Variants in UFL1 observed in about 807,000 individuals in gnomAD.
The protein encoded by UFL1 is UFM1 specific ligase 1, also known as E3 UFM1-protein ligase 1.
UFL1 carries 78 observed loss-of-function variants against 99.3 expected under a neutral mutation model. The ratio of observed to expected loss-of-function variants is 0.79; its 90% CI spans 0.65 to 0.95. UFL1 has a LOEUF of 0.95. Ranked by LOEUF, UFL1 falls within the 40% of genes least tolerant of loss-of-function variation. UFL1 has a pLI of 0.00. For missense variants in UFL1, 936 were observed against 937.0 expected, an observed-to-expected ratio of 1.00 and a Z score of 0.01; for synonymous variants, 335 against 322.2, an observed-to-expected ratio of 1.04 and a Z score of -0.42.
rs1770130548 is a variant in UFL1 at position 96,554,687 on chromosome 6, TC to T, written c.*1185del. The stretch of plus-strand genomic sequence containing the variant: ...TTTAAAATATTTGAATACGAAAAGA[TC>T]AGTCTACCTCTACTCCATTCTAGAC... On this transcript the variant is annotated 3_prime_UTR_variant, in exon 19 of 19. Coordinates refer to ENST00000369278, the MANE Select transcript of UFL1 (RefSeq NM_015323.5). 2 of 152,556 alleles carry T rather than the reference TC, an allele frequency of 1.3e-5. No individual in the cohort carries two copies. The highest frequency in any genetic ancestry group is 2.4e-5 in the African/African-American group (1 of 41,452). 9.5% of individuals were successfully genotyped at this position (152,556 alleles called of 1,614,324 possible). A position where few individuals can be genotyped will look rare whatever the true frequency, so the allele number is the denominator to read the frequency against.
At chr6:96,543,083 T>C in intron 12 of UFL1, 67 bp downstream of exon 12, 2 of 1,514,778 alleles carry the variant, frequency 1.3e-6, no homozygotes, top group East Asian at 2.5e-5. Context: ...TCTTAAGATG[T>C]ATATAATTAG....
At chr6:96,526,092 A>G (rs962976007) in intron 4 of UFL1, among the ~76,000 whole-genome samples, 5 of 152,018 alleles carry the variant, frequency 3.3e-5, no homozygotes, top group Admixed American at 6.6e-5. Context: ...ATGCAAAAAA[A>G]AAAAAGAAAA....
Position 96,551,878 on chromosome 6 carries a change from A to G in UFL1, c.1940A>G (p.Glu647Gly), listed in dbSNP as rs1469609104. The G allele has an allele frequency of 1.9e-6, 3 of 1,609,810 alleles. No individual in the cohort carries two copies. Among genetic ancestry groups the G allele is most frequent in the Non-Finnish European group, 2.5e-6 (3 of 1,177,508 alleles). The change falls in exon 17 of 19, where the codon GAA (glutamate) becomes GGA (glycine). Residue 647 changes from glutamate to glycine, a missense_variant. Transcript: ENST00000369278. ...ATTTCTTGTCTGGATTCTGCAGCAG[A>G]AGCTTGTGATATTATGGTGAAAAGG... Reference protein sequence around the residue: ...DFISCLDSAAEACDIMVKRGD... With the variant: ...DFISCLDSAAGACDIMVKRGD...
intron 15 of UFL1, 86 bp downstream of exon 15, chr6:96,549,885 GAAAAT>G (rs997619208): frequency 7.9e-5 from 118 of 1,501,914 alleles, no homozygotes; most frequent in Non-Finnish European, 9.5e-5. Context: ...GAGTAAAGAG[GAAAAT>G]AAAATACAGT....
chr6:96,538,794 A>G lies in UFL1; in HGVS notation c.1142A>G (p.His381Arg). 6.2e-7 allele frequency: 1 copy of G among 1,603,622 alleles called. No homozygotes were observed. Among genetic ancestry groups the G allele is most frequent in the Non-Finnish European group, 8.5e-7 (1 of 1,173,918 alleles). ...ACAGAACTGTTCCGTGAGCTGATGC[A>G]CCAGAAAGCTGAAAAGGTATTCCAG... Reference protein sequence around the residue: ...DCTELFRELMHQKAEKEMKNN... With the variant: ...DCTELFRELMRQKAEKEMKNN... The change falls in exon 10 of 19, where the codon CAC becomes CGC. Residue 381 changes from histidine (H) to arginine (R), a missense_variant. By Grantham distance (29) the His-to-Arg change is conservative. Coordinates refer to ENST00000369278, the MANE Select transcript of UFL1 (RefSeq NM_015323.5).
At chr6:96,534,353 T>C in intron 7 of UFL1, 32 bp downstream of exon 7, 1 of 1,458,316 alleles carries the variant, frequency 6.9e-7, no homozygotes, top group Non-Finnish European at 9.3e-7. Flanking sequence ...TTTACTTAAT[T>C]AGCTGCTGAA....
Position 96,523,807 on chromosome 6 carries a change from G to A in UFL1, c.223+516G>A, listed in dbSNP as rs118096953. 9.6e-4 allele frequency among the ~76,000 whole-genome samples: 146 copies of A among 152,204 alleles called. 1 individual carries two copies. In the East Asian group the frequency reaches 0.023, roughly 24 times the overall value. ...GGTTTCCTTTGTCTTCTTAAAATTT[G>A]AACAGACTACCAAGCATATTTGAAT... is the stretch of plus-strand genomic sequence containing the variant. On this transcript the variant is annotated intron_variant, in intron 2 of 18. Coordinates refer to ENST00000369278, the MANE Select transcript of UFL1 (RefSeq NM_015323.5).
At chr6:96,523,357 A>G in intron 2 of UFL1, 66 bp downstream of exon 2, 5 of 1,434,932 alleles carry the variant, frequency 3.5e-6, no homozygotes. Flanking sequence ...AACAAACAAA[A>G]CCCGTAAACA....
intron 1 of UFL1, 39 bp downstream of exon 1, chr6:96,521,989 G>T (rs1185008994): frequency 3.2e-6 from 5 of 1,586,920 alleles, no homozygotes; most frequent in East Asian, 2.3e-5. Flanking sequence ...GCCCAAATTA[G>T]GCCGTGGGCG....
chr6:96,543,128 AGT>A, intron 12 of UFL1, 112 bp downstream of exon 12: 9 of 1,283,554 alleles, frequency 7.0e-6, no homozygotes, highest in Non-Finnish European at 9.4e-6. Flanking sequence ...CTTATTTTGC[AGT>A]GTTTCAGTGA....
At position 96,551,476 on chromosome 6, in the gene UFL1, T is replaced by G; in HGVS notation, c.1862T>G (p.Val621Gly). ...AGTAAATTATCAGAAGAAACCAAAG[T>G]AGCTCTTACAAAACTCCATAACTCT... The part of the protein sequence containing the change: ...ILSKLSEETK[V>G]ALTKLHNSLN... The change falls in exon 16 of 19, where the codon GTA becomes GGA. Residue 621 changes from valine (V) to glycine (G), a missense_variant. By Grantham distance (109) the Val-to-Gly change is moderately radical. Coordinates refer to ENST00000369278, the MANE Select transcript of UFL1 (RefSeq NM_015323.5). 1.3e-6 allele frequency: 2 copies of G among 1,538,004 alleles called. No individual in the cohort carries two copies. Among genetic ancestry groups the G allele is most frequent in the Non-Finnish European group, 1.8e-6 (2 of 1,140,600 alleles).
chr6:96,545,044 T>C (rs1047176496), intron 12 of UFL1, among the ~76,000 whole-genome samples: 1 of 151,148 alleles, frequency 6.6e-6, no homozygotes, highest in East Asian at 1.9e-4. Flanking sequence ...TTAATAACTT[T>C]GAAAATGCAT....
chr6:96,533,019 A>C (rs960122321), intron 6 of UFL1, among the ~76,000 whole-genome samples: 5 of 152,198 alleles, frequency 3.3e-5, no homozygotes, highest in Non-Finnish European at 4.4e-5. Context: ...GAAGTAGAAA[A>C]TATTTACAAT....
intron 4 of UFL1, among the ~76,000 whole-genome samples, chr6:96,525,826 A>G (rs572897728): frequency 7.4e-4 from 112 of 152,256 alleles, no homozygotes; most frequent in African/African-American, 2.5e-3. Context: ...AATTTGTTCC[A>G]AAAATGTTAA....
intron 5 of UFL1, 77 bp downstream of exon 5, chr6:96,526,512 A>AGG (rs1769705294): frequency 8.9e-7 from 1 of 1,119,808 alleles, no homozygotes; most frequent in Non-Finnish European, 1.3e-6. Context: ...GAAGGGGGAA[A>AGG]AAAAAATGAG....
chr6:96,534,370 A>C, intron 7 of UFL1, 49 bp downstream of exon 7: 1 of 1,303,022 alleles, frequency 7.7e-7, no homozygotes, highest in East Asian at 2.5e-5. Context: ...TGAATAGACT[A>C]TTAATGTAAA....
chr6:96,536,053 T>C (rs1030916181), intron 7 of UFL1, among the ~76,000 whole-genome samples, 191 bp from the exon 8 acceptor site: 2 of 152,070 alleles, frequency 1.3e-5, no homozygotes, highest in Admixed American at 6.6e-5. Flanking sequence ...TCCCTGAATT[T>C]ATGTTTTGAA....
intron 5 of UFL1, 145 bp from the exon 6 acceptor site, chr6:96,528,357 T>G (rs956018726): frequency 1.1e-6 from 1 of 935,586 alleles, no homozygotes; most frequent in African/African-American, 1.7e-5. Flanking sequence ...CTTTAGTTGA[T>G]ATATCTTGTA....
At chr6:96,529,266 A>G (rs1363055686) in intron 6 of UFL1, among the ~76,000 whole-genome samples, 1 of 152,180 alleles carries the variant, frequency 6.6e-6, no homozygotes, top group Non-Finnish European at 1.5e-5. Context: ...CTCAGTGGCT[A>G]TATGCCCTAT....
Sources: allele counts gnomAD v4.1 joint callset (sites outside exome capture counted in the v4.1 genomes callset), GRCh38; gene constraint gnomAD v4.1.1; transcripts MANE v1.5; gene names NCBI Gene and HGNC (gene_info 2026-07-23, HGNC 2026-07-21).